Variants in JUP observed in about 807,000 individuals in gnomAD.
JUP encodes catenin (cadherin-associated protein), gamma 80kDa.
JUP carries 28 observed loss-of-function variants against 71.1 expected under a neutral mutation model. The observed-to-expected ratio is 0.39, with a 90% CI of 0.29 to 0.54. JUP has a LOEUF of 0.54. Among genes scored for constraint, JUP ranks in the 20% least tolerant of loss-of-function variants. JUP has a pLI of 0.62. For missense variants in JUP, 869 were observed against 1,030.1 expected, an observed-to-expected ratio of 0.84 and a Z score of 2.14; for synonymous variants, 401 against 438.9, an observed-to-expected ratio of 0.91 and a Z score of 1.08.
At chr17:41,769,389 C>G (rs782342044) in intron 3 of JUP, 29 bp downstream of exon 3, 2 of 1,598,728 alleles carry the variant, frequency 1.3e-6, no homozygotes, top group South Asian at 1.1e-5. Context: ...CCCTGCCCAG[C>G]CCCCACCCTA....
At chr17:41,763,458 A>C (rs1555602564) in intron 7 of JUP, 137 bp from the exon 8 acceptor site, 8 of 635,354 alleles carry the variant, frequency 1.3e-5, no homozygotes, top group Admixed American at 2.4e-5. Flanking sequence ...CATCCCTATG[A>C]CCCGCCACAC....
chr17:41,786,384 T>A (rs1400949160), intron 1 of JUP: 2 of 151,724 alleles, frequency 1.3e-5, no homozygotes, highest in African/African-American at 2.4e-5. Flanking sequence ...GATCTCTGGT[T>A]CGCGGAGCTC....
At chr17:41,782,361 C>A (rs1392068788) in intron 1 of JUP, among the ~76,000 whole-genome samples, 4 of 152,242 alleles carry the variant, frequency 2.6e-5, no homozygotes, top group African/African-American at 9.6e-5. Context: ...AGCAGCCTGG[C>A]AGCACTGCCT....
chr17:41,763,361 C>G, intron 7 of JUP, 40 bp from the exon 8 acceptor site: 1 of 1,488,198 alleles, frequency 6.7e-7, no homozygotes. Flanking sequence ...AGGGAGCAGC[C>G]AACTCCAGGG....
intron 1 of JUP, chr17:41,772,158 G>C (rs1350259819): frequency 6.1e-6 from 3 of 494,018 alleles, no homozygotes; most frequent in Non-Finnish European, 1.1e-5. Context: ...GGACAGTCAA[G>C]GGCCAGCTGC....
rs955638173 is a variant in JUP, at chr17:41,782,636, C to T, written c.-9+3952G>A. Among the ~76,000 whole-genome samples, 5 of 152,126 alleles carry T rather than the reference C, an allele frequency of 3.3e-5. No individual in the cohort carries two copies. In the East Asian group the frequency reaches 9.6e-4, roughly 29 times the overall value. On this transcript the variant is annotated intron_variant, in intron 1 of 13. Coordinates refer to ENST00000393931, the MANE Select transcript of JUP (RefSeq NM_002230.4). Reference sequence around the variant, plus strand: ...CACAGCCCTGGCCTTGGGGAGAAGCCGCTTCCACCGGAAACTAAAAATCAA... The same window carrying T: ...CACAGCCCTGGCCTTGGGGAGAAGCTGCTTCCACCGGAAACTAAAAATCAA...
chr17:41,755,074 C>G lies in JUP; in HGVS notation c.*670G>C. ...GCCCTGGGGGCTTAGGGCAGTTGGT[C>G]GGTGGAGTTCAGTGAGAAAATCAGA... is the stretch of plus-strand genomic sequence containing the variant. On this transcript the variant is annotated 3_prime_UTR_variant, in exon 14 of 14. Transcript: ENST00000393931. 2.6e-6 allele frequency: 1 copy of G among 388,020 alleles called. No individual in the cohort carries two copies. Among genetic ancestry groups the G allele is most frequent in the Non-Finnish European group, 4.6e-6 (1 of 219,738 alleles). 24.0% of individuals were successfully genotyped at this position (388,020 alleles called of 1,614,324 possible).
At chr17:41,765,271 A>G (rs1915529552) in intron 5 of JUP, among the ~76,000 whole-genome samples, 1 of 152,032 alleles carries the variant, frequency 6.6e-6, no homozygotes, top group Non-Finnish European at 1.5e-5. Flanking sequence ...CCTGGCCTCA[A>G]GTGATCCTCA....
chr17:41,756,079 G>T, intron 13 of JUP, 96 bp downstream of exon 13: 1 of 1,379,470 alleles, frequency 7.2e-7, no homozygotes, highest in South Asian at 1.2e-5. Context: ...GTTGCCACTG[G>T]TCCTCTGGCC....
rs782632671 is a variant in JUP, at chr17:41,757,415, A to G, written c.2046T>C (p.Ala682=). ...CTGTGGTCCAACCTAGGATACTCAC[A>G]GCCTCCCAGGCAGCCGGGTCATGCT... ...LFKHDPAAWE[A]AQSMIPINEP... The change falls in exon 12 of 14, where the codon GCT becomes GCC. Residue 682 remains alanine (A), a splice_region_variant and synonymous_variant. Transcript: ENST00000393931. 5 of 1,614,250 alleles carry G rather than the reference A, an allele frequency of 3.1e-6. No homozygotes were observed. In the South Asian group the frequency reaches 5.5e-5, roughly 18 times the overall value.
chr17:41,762,168 A>AGTGT (rs1567808367), intron 8 of JUP, among the ~76,000 whole-genome samples: 159 of 49,470 alleles, frequency 3.2e-3, no homozygotes, highest in African/African-American at 0.011. Flanking sequence ...AGAGAGAGAG[A>AGTGT]GAGAGAGAGT....
rs372369061 is a variant in JUP at position 41,757,465 on chromosome 17, C to A, written c.1996G>T (p.Val666Leu). ...TTGAAGAGGGAGTTGGTGAGCTCCACGGACACGCGCTTCCGGTAGTCTGGG... is the reference window on the plus strand; with the variant it reads ...TTGAAGAGGGAGTTGGTGAGCTCCAAGGACACGCGCTTCCGGTAGTCTGGG... ...KNPDYRKRVS[V>L]ELTNSLFKHD... The change falls in exon 12 of 14, where the codon GTG becomes TTG. Residue 666 changes from valine to leucine, a missense_variant. Coordinates refer to ENST00000393931, the MANE Select transcript of JUP (RefSeq NM_002230.4). The A allele has an allele frequency of 1.9e-6, 3 of 1,614,218 alleles. No homozygotes were observed. Among genetic ancestry groups the A allele is most frequent in the African/African-American group, 2.7e-5 (2 of 75,046 alleles).
At chr17:41,757,351 T>C in intron 12 of JUP, 64 bp downstream of exon 12, 1 of 1,573,718 alleles carries the variant, frequency 6.4e-7, no homozygotes, top group Non-Finnish European at 8.7e-7. Context: ...CCCCCAAAAG[T>C]GTTGCCCATG....
chr17:41,755,612 G>A lies in JUP; in HGVS notation c.*132C>T. ...GCCAGGGCACACCGTGCTTGGGGAA[G>A]CTCAGCAGCAAAGGATCCCCCCAAA... On this transcript the variant is annotated 3_prime_UTR_variant, in exon 14 of 14. Transcript: ENST00000393931. 2.2e-6 allele frequency: 2 copies of A among 892,182 alleles called. No homozygotes were observed. Among genetic ancestry groups the A allele is most frequent in the Middle Eastern group, 3.6e-4 (1 of 2,750 alleles). 55.3% of individuals were successfully genotyped at this position (892,182 alleles called of 1,614,324 possible). A position where few individuals can be genotyped will look rare whatever the true frequency, so the allele number is the denominator to read the frequency against.
In JUP at chr17:41,758,781, T is replaced by C. The variant is rs886052919; in HGVS notation, c.1587A>G (p.Gln529=). 2.5e-6 allele frequency: 4 copies of C among 1,611,496 alleles called. No individual in the cohort carries two copies. Among genetic ancestry groups the C allele is most frequent in the Non-Finnish European group, 3.4e-6 (4 of 1,178,960 alleles). The change falls in exon 9 of 14, where the codon CAA becomes CAG. Residue 529 remains glutamine, a synonymous_variant. Coordinates refer to ENST00000393931, the MANE Select transcript of JUP (RefSeq NM_002230.4). ...CATCCTGGTGGGCCTTCACCAGCAG[T>C]TGGACGAGGCGGGGGATGACCGCTG... is the stretch of plus-strand genomic sequence containing the variant. ...QEAAVIPRLV[Q]LLVKAHQDAQ...
intron 2 of JUP, 68 bp from the exon 3 acceptor site, chr17:41,769,745 G>A (rs960094281): frequency 1.4e-5 from 22 of 1,538,588 alleles, no homozygotes; most frequent in South Asian, 2.4e-5. Flanking sequence ...AGCAGGGCAG[G>A]CCACAGACAG....
chr17:41,757,306 A>G, intron 12 of JUP, 109 bp downstream of exon 12: 1 of 1,240,572 alleles, frequency 8.1e-7, no homozygotes, highest in Non-Finnish European at 1.2e-6. Context: ...TCCAATTACA[A>G]AATAAAAATC....
At position 41,755,743 on chromosome 17, in the gene JUP, C is replaced by T; in HGVS notation, c.*1G>A. On this transcript the variant is annotated 3_prime_UTR_variant, in exon 14 of 14. Coordinates refer to ENST00000393931, the MANE Select transcript of JUP (RefSeq NM_002230.4). ...AGGGGGCCGTACTGGGGCCAGGCCG[C>T]CTAGGCCAGCATGTGGTCTGCAGTG... The T allele has an allele frequency of 1.3e-6, 2 of 1,577,080 alleles. No individual in the cohort carries two copies. Among genetic ancestry groups the T allele is most frequent in the South Asian group, 1.2e-5 (1 of 86,482 alleles).
At chr17:41,764,161 G>A (rs1304161039) in intron 7 of JUP, among the ~76,000 whole-genome samples, 5 of 152,200 alleles carry the variant, frequency 3.3e-5, no homozygotes, top group Non-Finnish European at 7.3e-5. Flanking sequence ...CCCTGGAGCT[G>A]CATTTTTCCT....
Sources: allele counts gnomAD v4.1 joint callset (sites outside exome capture counted in the v4.1 genomes callset), GRCh38; gene constraint gnomAD v4.1.1; transcripts MANE v1.5; gene names NCBI Gene and HGNC (gene_info 2026-07-23, HGNC 2026-07-21).